The following CAMTA1 variants were observed in gnomAD, a reference collection of about 807,000 sequenced individuals.
CAMTA1 encodes the protein calmodulin binding transcription activator 1, also known as calmodulin-binding transcription activator 1.
In CAMTA1, 27 loss-of-function variants were observed where a neutral mutation model predicts 170.9. The observed-to-expected ratio is 0.16, with a 90% CI of 0.12 to 0.22. The LOEUF is 0.22. CAMTA1 is among the 10% of genes least tolerant of loss of function. CAMTA1 has a pLI of 1.00. For synonymous variants in CAMTA1, 833 were observed against 891.5 expected (o/e 0.93, Z 1.17); for missense variants, 1,619 against 2,217.2 (o/e 0.73, Z 5.42).
chr1:7,098,335 C>T (rs1448794575), intron 4 of CAMTA1, among the ~76,000 whole-genome samples: 5 of 152,352 alleles, frequency 3.3e-5, no homozygotes, highest in Admixed American at 6.5e-5. Flanking sequence ...AACACAGAGA[C>T]GTGTCACGTT....
intron 5 of CAMTA1, among the ~76,000 whole-genome samples, chr1:7,412,605 TG>T (rs1304671717): frequency 1.4e-5 from 2 of 146,050 alleles, no homozygotes; most frequent in African/African-American, 4.8e-5. Flanking sequence ...TTGATGGGGT[TG>T]TTTTTTTCTT....
chr1:7,659,042 C>G (rs1319303845), intron 7 of CAMTA1, among the ~76,000 whole-genome samples: 1 of 152,220 alleles, frequency 6.6e-6, no homozygotes, highest in Non-Finnish European at 1.5e-5. Context: ...ACCAGAATCC[C>G]AGGCCCCCTG....
chr1:6,814,808 C>T (rs192693262), intron 1 of CAMTA1, among the ~76,000 whole-genome samples: 92 of 152,280 alleles, frequency 6.0e-4, no homozygotes, highest in African/African-American at 1.8e-3. Context: ...TTTCAAAGAA[C>T]GGTAAATACA....
At chr1:7,159,848 C>T (rs1647102157) in intron 4 of CAMTA1, among the ~76,000 whole-genome samples, 1 of 152,212 alleles carries the variant, frequency 6.6e-6, no homozygotes, top group African/African-American at 2.4e-5. Flanking sequence ...CACCCCTGGC[C>T]TTCTGGACAA....
intron 5 of CAMTA1, among the ~76,000 whole-genome samples, chr1:7,315,778 G>A: frequency 6.6e-6 from 1 of 152,190 alleles, no homozygotes; most frequent in East Asian, 1.9e-4. Flanking sequence ...TGGCTGCAGT[G>A]ATCCTTAGTG....
At chr1:7,621,571 T>C (rs2095598495) in intron 6 of CAMTA1, among the ~76,000 whole-genome samples, 1 of 152,142 alleles carries the variant, frequency 6.6e-6, no homozygotes, top group Admixed American at 6.5e-5. Context: ...CCCTCAAAGT[T>C]AATAAGAAAC....
At chr1:7,295,861 T>G (rs1454964510) in intron 5 of CAMTA1, among the ~76,000 whole-genome samples, 1 of 152,208 alleles carries the variant, frequency 6.6e-6, no homozygotes, top group Non-Finnish European at 1.5e-5. Context: ...CATAGCAGTT[T>G]AAAACAATGC....
chr1:6,888,226 C>A, intron 3 of CAMTA1: 1 of 985,950 alleles, frequency 1.0e-6, no homozygotes, highest in Non-Finnish European at 1.2e-6. Flanking sequence ...GCGTCGCATC[C>A]TTTCTGAATG....
At chr1:6,809,911 G>A (rs2148330053) in intron 1 of CAMTA1, among the ~76,000 whole-genome samples, 1 of 152,316 alleles carries the variant, frequency 6.6e-6, no homozygotes, top group Admixed American at 6.5e-5. Flanking sequence ...AGAGAATAAA[G>A]GAGTAGAGAT....
intron 7 of CAMTA1, 52 bp from the exon 8 acceptor site, chr1:7,661,674 G>A: frequency 6.2e-7 from 1 of 1,606,608 alleles, no homozygotes; most frequent in East Asian, 2.2e-5. Context: ...CCCCACCCAG[G>A]TCCCCTCTGC....
Position 7,592,423 on chromosome 1 carries a change from C to T in CAMTA1, c.511-47977C>T, listed in dbSNP as rs181790522. On this transcript the variant is annotated intron_variant, in intron 6 of 22. Transcript: ENST00000303635. This position sits in a 1 kb window ranked among gnomAD's most constrained non-coding sequence, Gnocchi z 4.6. ...CCTGGCACCTTGCAGTAGTGTTGCC[C>T]GCTTCCTAACAGGAACAGGACAGAT... 5.1e-4 allele frequency among the ~76,000 whole-genome samples: 77 copies of T among 152,240 alleles called. No homozygotes were observed. The highest frequency in any genetic ancestry group is 1.1e-3 in the Admixed American group (17 of 15,288).
At chr1:7,379,295 C>T (rs531813180) in intron 5 of CAMTA1, among the ~76,000 whole-genome samples, 9 of 152,278 alleles carry the variant, frequency 5.9e-5, no homozygotes, top group East Asian at 1.9e-4. Context: ...AAAGAGATGT[C>T]GCAGGAGACT....
intron 6 of CAMTA1, among the ~76,000 whole-genome samples, chr1:7,591,806 C>T (rs1328273388): frequency 6.6e-6 from 1 of 152,268 alleles, no homozygotes; most frequent in Non-Finnish European, 1.5e-5. Context: ...ACAAGCCAAG[C>T]TCACAGCTTT....
chr1:7,506,796 A>C (rs1376683382), intron 6 of CAMTA1, among the ~76,000 whole-genome samples: 1 of 151,548 alleles, frequency 6.6e-6, no homozygotes, highest in African/African-American at 2.4e-5. Flanking sequence ...TTACACTCAA[A>C]ATTCACATTA....
At chr1:7,209,013 G>C (rs1437177117) in intron 4 of CAMTA1, among the ~76,000 whole-genome samples, 3 of 152,172 alleles carry the variant, frequency 2.0e-5, no homozygotes, top group Non-Finnish European at 4.4e-5. Flanking sequence ...GTCTGGCCAT[G>C]ATACCGAAAT....
intron 4 of CAMTA1, among the ~76,000 whole-genome samples, chr1:7,213,757 C>A (rs953518541): frequency 3.3e-5 from 5 of 152,066 alleles, no homozygotes; most frequent in African/African-American, 9.7e-5. Flanking sequence ...ATCCCTCCCC[C>A]CTCCGCCCAC....
intron 5 of CAMTA1, among the ~76,000 whole-genome samples, chr1:7,273,016 A>G (rs1670076344): frequency 6.6e-6 from 1 of 152,234 alleles, no homozygotes; most frequent in Admixed American, 6.5e-5. Context: ...TAACAGCATC[A>G]TTAATCATCA....
intron 3 of CAMTA1, among the ~76,000 whole-genome samples, chr1:6,903,136 T>C (rs1363274279): frequency 6.6e-6 from 1 of 152,144 alleles, no homozygotes; most frequent in Non-Finnish European, 1.5e-5. Flanking sequence ...TTAACAACCA[T>C]ATGGATGGAG....
intron 4 of CAMTA1, among the ~76,000 whole-genome samples, chr1:7,117,677 C>A (rs144036079): frequency 1.3e-5 from 2 of 152,146 alleles, no homozygotes; most frequent in African/African-American, 4.8e-5. Flanking sequence ...CAGAGGACGG[C>A]CTCTGGCGCT....
Sources: allele counts gnomAD v4.1 joint callset (sites outside exome capture counted in the v4.1 genomes callset), GRCh38; gene constraint gnomAD v4.1.1; non-coding constraint Gnocchi (gnomAD v3.1); transcripts MANE v1.5; gene names NCBI Gene and HGNC (gene_info 2026-07-23, HGNC 2026-07-21).